FHIT: variants seen among roughly 807,000 people sequenced by gnomAD.
The protein encoded by FHIT is fragile histidine triad diadenosine triphosphatase.
FHIT carries 19 observed loss-of-function variants against 17.9 expected under a neutral mutation model. The ratio of observed to expected loss-of-function variants is 1.06; its 90% CI spans 0.74 to 1.56. FHIT has a LOEUF of 1.56. Among genes scored for constraint, FHIT ranks in the 40% most tolerant of loss-of-function variants. The probability of loss-of-function intolerance (pLI) is 0.00; values close to 1 mark genes in which losing one functional copy is unlikely to be tolerated. For missense variants in FHIT, 248 were observed against 189.2 expected, an observed-to-expected ratio of 1.31 and a Z score of -1.82; for synonymous variants, 81 against 69.7, an observed-to-expected ratio of 1.16 and a Z score of -0.81.
chr3:60,576,631 T>C (rs942813230), intron 4 of FHIT, among the ~76,000 whole-genome samples: 1 of 152,124 alleles, frequency 6.6e-6, no homozygotes, highest in Non-Finnish European at 1.5e-5. Context: ...GAAGCATAAA[T>C]GAAAAGTTCC....
chr3:60,103,663 G>C (rs1305503441), intron 5 of FHIT, among the ~76,000 whole-genome samples: 1 of 152,140 alleles, frequency 6.6e-6, no homozygotes, highest in Non-Finnish European at 1.5e-5. Flanking sequence ...GGAGAAGGCA[G>C]CCCTCCCAAA....
At chr3:60,593,714 G>T (rs1274578187) in intron 4 of FHIT, among the ~76,000 whole-genome samples, 1 of 152,076 alleles carries the variant, frequency 6.6e-6, no homozygotes, top group Non-Finnish European at 1.5e-5. Flanking sequence ...GAACAAAGCA[G>T]ACAGATATGC....
chr3:60,929,363 G>A (rs1553771044), intron 3 of FHIT, among the ~76,000 whole-genome samples: 1 of 152,160 alleles, frequency 6.6e-6, no homozygotes, highest in Non-Finnish European at 1.5e-5. Context: ...TATGGCCAGG[G>A]CAATTAGGCA....
intron 5 of FHIT, among the ~76,000 whole-genome samples, chr3:60,430,923 G>A (rs1348680145): frequency 2.6e-5 from 4 of 151,844 alleles, no homozygotes; most frequent in African/African-American, 9.7e-5. Flanking sequence ...TCTCAGTCCT[G>A]GTTTTGGGCC....
At chr3:61,084,084 C>G (rs2035232576) in intron 2 of FHIT, among the ~76,000 whole-genome samples, 1 of 152,210 alleles carries the variant, frequency 6.6e-6, no homozygotes. Flanking sequence ...AGCAATCCAA[C>G]TGGAATTTAT....
chr3:61,024,457 C>A (rs1559918862), intron 3 of FHIT, among the ~76,000 whole-genome samples: 1 of 152,056 alleles, frequency 6.6e-6, no homozygotes, highest in South Asian at 2.1e-4. Flanking sequence ...CTTTAAATTT[C>A]CTGCAAAGGC....
At chr3:60,906,817 C>A (rs1559818012) in intron 3 of FHIT, among the ~76,000 whole-genome samples, 2 of 151,930 alleles carry the variant, frequency 1.3e-5, no homozygotes, top group African/African-American at 4.8e-5. Flanking sequence ...AATGTAGTGT[C>A]TTTTTTTAAG....
intron 4 of FHIT, among the ~76,000 whole-genome samples, chr3:60,580,081 C>A (rs1405626941): frequency 2.0e-5 from 3 of 152,106 alleles, no homozygotes; most frequent in African/African-American, 7.2e-5. Flanking sequence ...AATAAAATTC[C>A]TTCTCCCTTC....
Position 60,017,114 on chromosome 3 carries a change from A to G in FHIT, c.104-2962T>C, listed in dbSNP as rs1244230693. Among the ~76,000 whole-genome samples the G allele has an allele frequency of 2.0e-5, 3 of 152,198 alleles. No homozygotes were observed. In the East Asian group the frequency reaches 5.8e-4, roughly 29 times the overall value. On this transcript the variant is annotated intron_variant, in intron 5 of 9. Coordinates refer to ENST00000492590, the MANE Select transcript of FHIT (RefSeq NM_002012.4). ...TGCTTGTTAGAGCTTTCATGACTCCATTTTTGCCTAGCCTCTTATTAAAAC... is the reference window on the plus strand; with the variant it reads ...TGCTTGTTAGAGCTTTCATGACTCCGTTTTTGCCTAGCCTCTTATTAAAAC...
intron 3 of FHIT, among the ~76,000 whole-genome samples, chr3:60,822,770 C>A (rs1400910533): frequency 6.6e-6 from 1 of 152,084 alleles, no homozygotes; most frequent in Non-Finnish European, 1.5e-5. Flanking sequence ...CCATGACCCA[C>A]CTTACTTGCA....
chr3:61,007,803 A>G (rs2031550231), intron 3 of FHIT, among the ~76,000 whole-genome samples: 1 of 152,118 alleles, frequency 6.6e-6, no homozygotes, highest in East Asian at 1.9e-4. Context: ...ATCTTCTCCA[A>G]AGAATTGCCC....
chr3:60,740,717 C>A (rs1169673100), intron 4 of FHIT, among the ~76,000 whole-genome samples: 1 of 152,142 alleles, frequency 6.6e-6, no homozygotes, highest in East Asian at 1.9e-4. Flanking sequence ...TCTCTTAAAC[C>A]AGTCCTTACC....
chr3:60,682,190 C>G (rs558317984), intron 4 of FHIT, among the ~76,000 whole-genome samples: 1 of 152,100 alleles, frequency 6.6e-6, no homozygotes, highest in Non-Finnish European at 1.5e-5. Context: ...CTAGGCTGGT[C>G]TCGAACTCCT....
At chr3:61,038,880 T>C (rs1025412547) in intron 3 of FHIT, among the ~76,000 whole-genome samples, 2 of 152,124 alleles carry the variant, frequency 1.3e-5, no homozygotes, top group African/African-American at 4.8e-5. Context: ...TTCAAAACAG[T>C]GACAGAAGAA....
chr3:61,214,127 G>T (rs12361186), intron 1 of FHIT, among the ~76,000 whole-genome samples: 1 of 150,944 alleles, frequency 6.6e-6, no homozygotes, highest in African/African-American at 2.4e-5. Context: ...GCATTCAAAA[G>T]CTAGCAAAAG....
In FHIT at chr3:59,922,372, G is replaced by C; in HGVS notation, c.322C>G (p.His108Asp). The C allele has an allele frequency of 6.2e-7, 1 of 1,613,952 alleles. No individual in the cohort carries two copies. The highest frequency in any genetic ancestry group is 8.5e-7 in the Non-Finnish European group (1 of 1,179,912). The change falls in exon 8 of 10, where the codon CAC becomes GAC. Residue 108 changes from histidine (H) to aspartate (D), a missense_variant. His to Asp is a moderately conservative substitution (Grantham distance 81, BLOSUM62 -1). Coordinates refer to ENST00000492590, the MANE Select transcript of FHIT (RefSeq NM_002012.4). The part of the protein sequence containing the change: ...HVLPRKAGDF[H>D]RNDSIYEELQ... ...TCCTCATAGATGCTGTCATTCCTGT[G>C]AAAGTCTCCAGCCTTCCTGGGAAGA...
At chr3:60,799,466 G>A (rs150845448) in intron 4 of FHIT, among the ~76,000 whole-genome samples, 4 of 151,788 alleles carry the variant, frequency 2.6e-5, no homozygotes, top group South Asian at 2.1e-4. Context: ...GAGCCACTGC[G>A]CCTGGCCCAA....
At chr3:60,070,774 T>G (rs1300116318) in intron 5 of FHIT, among the ~76,000 whole-genome samples, 2 of 152,200 alleles carry the variant, frequency 1.3e-5, no homozygotes, top group Non-Finnish European at 2.9e-5. Flanking sequence ...TTGCCTGGGT[T>G]TTCCTCCCCA....
chr3:60,043,972 A>G (rs888899387), intron 5 of FHIT, among the ~76,000 whole-genome samples: 2 of 152,218 alleles, frequency 1.3e-5, no homozygotes, highest in African/African-American at 4.8e-5. Context: ...TGATATTTGA[A>G]CATCTACTCG....
Sources: gnomAD v4.1 joint callset for allele counts (sites outside exome capture counted in the v4.1 genomes callset) on GRCh38, gnomAD v4.1.1 for gene constraint, MANE v1.5 for transcripts, NCBI Gene and HGNC (gene_info 2026-07-23, HGNC 2026-07-21) for gene names.